Variants in UACA observed in about 807,000 individuals in gnomAD.
The protein encoded by UACA is nuclear membrane binding protein.
UACA carries 112 observed loss-of-function variants against 160.5 expected under a neutral mutation model. The ratio of observed to expected loss-of-function variants is 0.70; its 90% CI spans 0.60 to 0.82. UACA has a LOEUF of 0.82. UACA is among the 40% of genes least tolerant of loss of function. The probability of loss-of-function intolerance (pLI) is 0.00; values close to 1 mark genes in which losing one functional copy is unlikely to be tolerated. For synonymous variants in UACA, 557 were observed against 568.4 expected (o/e 0.98, Z 0.29); for missense variants, 1,574 against 1,614.6 (o/e 0.97, Z 0.43).
chr15:70,676,325 A>G lies in UACA; in HGVS notation c.1131+168T>C, dbSNP rs1897302836. The G allele has an allele frequency of 3.2e-5, 17 of 526,960 alleles. 1 individual carries two copies. In the Admixed American group the frequency reaches 5.4e-4, roughly 17 times the overall value. 32.6% of individuals were successfully genotyped at this position (526,960 alleles called of 1,614,324 possible). The stretch of plus-strand genomic sequence containing the variant: ...AACCTTTATAACTATGTGGAGAAAG[A>G]GACAATCACCCCAGTTTTGCCAAAG... On this transcript the variant is annotated intron_variant, in intron 13 of 18. Coordinates refer to ENST00000322954, the MANE Select transcript of UACA (RefSeq NM_018003.4).
chr15:70,658,112 A>G (rs1489130044), intron 18 of UACA, among the ~76,000 whole-genome samples: 1 of 152,114 alleles, frequency 6.6e-6, no homozygotes, highest in South Asian at 2.1e-4. Context: ...AATTTAAGTA[A>G]TTGATTTAAA....
chr15:70,723,430 C>T (rs918968066), intron 1 of UACA, among the ~76,000 whole-genome samples: 1 of 152,142 alleles, frequency 6.6e-6, no homozygotes, highest in Non-Finnish European at 1.5e-5. Context: ...TCCTTAATGA[C>T]GTCTAAGATC....
At chr15:70,690,777 G>GT (rs1250652184) in intron 4 of UACA, among the ~76,000 whole-genome samples, 3 of 151,202 alleles carry the variant, frequency 2.0e-5, no homozygotes, top group Non-Finnish European at 3.0e-5. Context: ...ATTGTTTGGG[G>GT]TTTTTTTTTC....
In UACA at chr15:70,763,364, C is replaced by T; in HGVS notation, c.44G>A (p.Gly15Asp). 1.5e-6 allele frequency: 2 copies of T among 1,334,702 alleles called. No homozygotes were observed. The highest frequency in any genetic ancestry group is 9.6e-7 in the Non-Finnish European group (1 of 1,037,346). The allele number at this position is 1,334,702 out of a possible 1,614,324, so 82.7% of individuals were successfully genotyped here. ...GGCGGCGGCGCCAGACGACGCGGGG[C>T]CGGGCACGTCCTGCCTCCTCAGGCG... The part of the protein sequence containing the change: ...KSRLRRQDVP[G>D]PASSGAAAAS... Residue 15 changes from glycine (G) to aspartate (D), a missense_variant, in exon 1 of 19, where the codon GGC (glycine) becomes GAC (aspartate). Physicochemically the swap from Gly to Asp is moderately conservative, Grantham distance 94. Coordinates refer to ENST00000322954, the MANE Select transcript of UACA (RefSeq NM_018003.4).
chr15:70,668,219 T>G lies in UACA; in HGVS notation c.2465A>C (p.Glu822Ala), dbSNP rs141249659. 7 of 1,612,708 alleles carry G rather than the reference T, an allele frequency of 4.3e-6. No individual in the cohort carries two copies. Among genetic ancestry groups the G allele is most frequent in the African/African-American group, 4.0e-5 (3 of 74,940 alleles). Residue 822 changes from glutamate to alanine, a missense_variant, in exon 16 of 19, where the codon GAA becomes GCA. Transcript: ENST00000322954. Reference protein sequence around the residue: ...EIIALKSNIVELKKQLSELKK... With the variant: ...EIIALKSNIVALKKQLSELKK... ...AAGTTCAGACAGCTGTTTCTTAAGT[T>G]CAACAATATTGGATTTCAGAGCTAT... is the stretch of plus-strand genomic sequence containing the variant.
At chr15:70,770,780 A>G in the UACA span, among the ~76,000 whole-genome samples, 6 of 152,214 alleles carry the variant, frequency 3.9e-5, no homozygotes, top group Non-Finnish European at 7.3e-5. Flanking sequence ...TTCTTCTACT[A>G]CTGAGACATT....
intron 18 of UACA, among the ~76,000 whole-genome samples, chr15:70,658,262 G>A (rs1384292889): frequency 6.6e-6 from 1 of 152,080 alleles, no homozygotes; most frequent in African/African-American, 2.4e-5. Context: ...TCCACTGCAT[G>A]GACATATTAC....
chr15:70,742,573 A>T (rs1409050240), intron 1 of UACA, among the ~76,000 whole-genome samples: 3 of 152,192 alleles, frequency 2.0e-5, no homozygotes, highest in Admixed American at 6.5e-5. Context: ...TATGTTTATT[A>T]TAAGTTGCAT....
At chr15:70,700,360 T>A (rs1281227534) in intron 1 of UACA, among the ~76,000 whole-genome samples, 1 of 138,992 alleles carries the variant, frequency 7.2e-6, no homozygotes, top group Non-Finnish European at 1.5e-5. Context: ...AGAAAGCAAT[T>A]CATTATGTTT....
In UACA at chr15:70,690,589, G is replaced by A. The variant is rs929930158; in HGVS notation, c.367-78C>T. ...GATATCCAGACTCAGATGAACAGCT[G>A]TTATTTAATCTTAAAATATTCCACT... On this transcript the variant is annotated intron_variant, in intron 4 of 18. Coordinates refer to ENST00000322954, the MANE Select transcript of UACA (RefSeq NM_018003.4). 1.0e-5 allele frequency: 11 copies of A among 1,091,170 alleles called. No individual in the cohort carries two copies. In the Admixed American group the frequency reaches 1.3e-4, roughly 13 times the overall value. 67.6% of individuals were successfully genotyped at this position (1,091,170 alleles called of 1,614,324 possible).
At chr15:70,763,609 C>CGGGG, upstream of UACA, 2 of 1,140,552 alleles carry the variant, frequency 1.8e-6, no homozygotes, top group Non-Finnish European at 2.2e-6. Context: ...GCTGCCCTGG[C>CGGGG]GGGGGCGTGG....
chr15:70,760,294 T>G (rs2030670115), intron 1 of UACA, among the ~76,000 whole-genome samples: 1 of 151,542 alleles, frequency 6.6e-6, no homozygotes, highest in African/African-American at 2.4e-5. Flanking sequence ...TATCGCAGAG[T>G]GGAAAGGCCA....
rs766173619 is a variant in UACA at position 70,668,004 on chromosome 15, T to A, written c.2680A>T (p.Asn894Tyr). 15 of 1,602,472 alleles carry A rather than the reference T, an allele frequency of 9.4e-6. No homozygotes were observed. The highest frequency in any genetic ancestry group is 1.7e-5 in the Admixed American group (1 of 58,416). The change falls in exon 16 of 19, where the codon AAT (asparagine) becomes TAT (tyrosine). Residue 894 changes from asparagine to tyrosine, a missense_variant. Asn to Tyr is a moderately radical substitution (Grantham distance 143, BLOSUM62 -2). Transcript: ENST00000322954. ...LDVKKKFEDI[N>Y]QEFVKIKDKN... ...TCTTTTATTTTTACAAATTCCTGAT[T>A]TATATCTTCAAATTTTTTCTTCACA... is the stretch of plus-strand genomic sequence containing the variant.
At chr15:70,756,429 G>A (rs1413675009) in intron 1 of UACA, among the ~76,000 whole-genome samples, 3 of 151,628 alleles carry the variant, frequency 2.0e-5, no homozygotes, top group Non-Finnish European at 4.4e-5. Context: ...CCAAAGTGCT[G>A]AGATTACAGG....
Position 70,678,196 on chromosome 15 carries a change from A to G in UACA, c.902T>C (p.Ile301Thr). 2 of 1,607,320 alleles carry G rather than the reference A, an allele frequency of 1.2e-6. No homozygotes were observed. The highest frequency in any genetic ancestry group is 1.7e-6 in the Non-Finnish European group (2 of 1,177,762). The change falls in exon 11 of 19, where the codon ATT (isoleucine) becomes ACT (threonine). Residue 301 changes from isoleucine (I) to threonine (T), a missense_variant. Transcript: ENST00000322954. Reference protein sequence around the residue: ...REHQNIQDLEIENEDLKERLR... With the variant: ...REHQNIQDLETENEDLKERLR... ...CCTCTCTTTCAAATCTTCATTTTCAATCTCCAAATCCTTAAATAATAAAGA... is the reference window on the plus strand; with the variant it reads ...CCTCTCTTTCAAATCTTCATTTTCAGTCTCCAAATCCTTAAATAATAAAGA...
intron 12 of UACA, 89 bp from the exon 13 acceptor site, chr15:70,676,680 C>T (rs917159590): frequency 1.9e-6 from 2 of 1,037,348 alleles, no homozygotes; most frequent in South Asian, 1.4e-5. Flanking sequence ...ATTGGAATTG[C>T]ATTGAGGACT....
chr15:70,751,058 ACAG>A (rs1022193572), intron 1 of UACA, among the ~76,000 whole-genome samples: 1 of 152,152 alleles, frequency 6.6e-6, no homozygotes, highest in Non-Finnish European at 1.5e-5. Context: ...TTTTTAAAAG[ACAG>A]CAGCAGCAGC....
At position 70,658,641 on chromosome 15, in the gene UACA, G is replaced by C. The variant is rs76781341; in HGVS notation, c.4179+1510C>G. ...TTAAAAAATACTTTAAACTTAAAAT[G>C]GTGGCACGAGTTGATTAAATGCAAC... On this transcript the variant is annotated intron_variant, in intron 18 of 18. Coordinates refer to ENST00000322954, the MANE Select transcript of UACA (RefSeq NM_018003.4). Among the ~76,000 whole-genome samples the C allele has an allele frequency of 5.6e-3, 858 of 152,210 alleles. 8 individuals carry two copies. The highest frequency in any genetic ancestry group is 0.02 in the African/African-American group (819 of 41,536).
rs764113665 is a variant in UACA at position 70,695,121 on chromosome 15, AT to A, written c.213-17del. ...AACATGGAAGCTAAACAAAAAAAAA[AT>A]ATTTGTTGTGCTAAGGAAACAACCA... On this transcript the variant is annotated splice_polypyrimidine_tract_variant and intron_variant, in intron 2 of 18. Coordinates refer to ENST00000322954, the MANE Select transcript of UACA (RefSeq NM_018003.4). The A allele has an allele frequency of 1.3e-5, 20 of 1,566,340 alleles. No homozygotes were observed. Among genetic ancestry groups the A allele is most frequent in the Middle Eastern group, 1.7e-4 (1 of 5,930 alleles).
Sources: allele counts gnomAD v4.1 joint callset (sites outside exome capture counted in the v4.1 genomes callset), GRCh38; gene constraint gnomAD v4.1.1; transcripts MANE v1.5; gene names NCBI Gene and HGNC (gene_info 2026-07-23, HGNC 2026-07-21).